GRID2: variants seen among roughly 807,000 people sequenced by gnomAD.
The protein encoded by GRID2 is glutamate ionotropic receptor delta type subunit 2.
A neutral mutation model predicts 114.8 loss-of-function variants in GRID2; 33 were observed. That is an observed-to-expected ratio of 0.29 (90% CI 0.22 to 0.38). The LOEUF (loss-of-function observed/expected upper bound fraction) is 0.38. Ranked by LOEUF, GRID2 falls within the 10% of genes least tolerant of loss-of-function variation. The probability of loss-of-function intolerance (pLI) is 1.00; values close to 1 mark genes in which losing one functional copy is unlikely to be tolerated. For missense variants in GRID2, 1,184 were observed against 1,257.7 expected (o/e 0.94, Z 0.89); for synonymous variants, 505 against 449.9 (o/e 1.12, Z -1.55).
intron 2 of GRID2, among the ~76,000 whole-genome samples, chr4:92,941,447 A>C (rs930442407): frequency 6.6e-6 from 1 of 151,544 alleles, no homozygotes; most frequent in Non-Finnish European, 1.5e-5. Flanking sequence ...TGTCTATTTG[A>C]TTCTTCTGTC....
chr4:92,314,987 G>T (rs1725892977), intron 1 of GRID2, among the ~76,000 whole-genome samples: 1 of 151,986 alleles, frequency 6.6e-6, no homozygotes, highest in Admixed American at 6.6e-5. Context: ...ACTTATTTGT[G>T]CTAAACAATG....
At chr4:93,180,469 G>T (rs996466432) in intron 4 of GRID2, among the ~76,000 whole-genome samples, 9 of 152,030 alleles carry the variant, frequency 5.9e-5, no homozygotes, top group Admixed American at 2.6e-4. Context: ...AAAGGTTGAG[G>T]TAATGGTGGT....
chr4:93,573,074 A>G (rs1386559791), intron 13 of GRID2, among the ~76,000 whole-genome samples: 1 of 152,192 alleles, frequency 6.6e-6, no homozygotes, highest in East Asian at 1.9e-4. Flanking sequence ...CTCGTGGAAT[A>G]CACAGGAGAG....
intron 4 of GRID2, among the ~76,000 whole-genome samples, chr4:93,175,352 G>C (rs1476077650): frequency 6.6e-6 from 1 of 151,988 alleles, no homozygotes; most frequent in Admixed American, 6.6e-5. Context: ...TGTATTTTTA[G>C]TACAGACGAG....
intron 1 of GRID2, among the ~76,000 whole-genome samples, chr4:92,405,986 G>T (rs1461175035): frequency 6.6e-6 from 1 of 152,116 alleles, no homozygotes; most frequent in Non-Finnish European, 1.5e-5. Context: ...TGAAGAACTT[G>T]GAGTCCAATG....
At chr4:92,666,650 G>GTTTTTTTTTT (rs70942922) in intron 2 of GRID2, among the ~76,000 whole-genome samples, 1,816 of 68,374 alleles carry the variant, frequency 0.027, 181 homozygotes, top group East Asian at 0.13. Flanking sequence ...CTTAAGGGTT[G>GTTTTTTTTTT]TTTTTTTTTT....
At chr4:92,813,348 T>G (rs1740740628) in intron 2 of GRID2, among the ~76,000 whole-genome samples, 1 of 152,218 alleles carries the variant, frequency 6.6e-6, no homozygotes, top group African/African-American at 2.4e-5. Context: ...AACCAACTTA[T>G]ATCCTCACAC....
intron 2 of GRID2, among the ~76,000 whole-genome samples, chr4:92,735,253 G>A (rs1339779640): frequency 6.6e-6 from 1 of 152,086 alleles, no homozygotes; most frequent in Non-Finnish European, 1.5e-5. Flanking sequence ...TCTAGTGGAT[G>A]CCTGAAGCTA....
intron 2 of GRID2, among the ~76,000 whole-genome samples, chr4:93,046,169 A>G (rs968490829): frequency 2.0e-5 from 3 of 152,080 alleles, no homozygotes; most frequent in Non-Finnish European, 2.9e-5. Flanking sequence ...ACATCTTCCT[A>G]TAACCATGAA....
chr4:93,117,111 T>C (rs1733343312), intron 4 of GRID2, among the ~76,000 whole-genome samples: 1 of 152,166 alleles, frequency 6.6e-6, no homozygotes, highest in Non-Finnish European at 1.5e-5. Flanking sequence ...GTTAAAAAAT[T>C]ATTTACCTCA....
At chr4:93,178,433 G>C (rs1739568182) in intron 4 of GRID2, among the ~76,000 whole-genome samples, 1 of 104,586 alleles carries the variant, frequency 9.6e-6, no homozygotes, top group Non-Finnish European at 1.7e-5. Context: ...ATCTTGCTCT[G>C]CTTCTCAGGC....
rs79505007 is a variant in GRID2 at position 92,670,914 on chromosome 4, C to A, written c.244+80628C>A. Among the ~76,000 whole-genome samples, 581 of 152,092 alleles carry A rather than the reference C, an allele frequency of 3.8e-3. 8 individuals are homozygous for A. The East Asian group carries it at 0.05, about 13-fold the overall frequency. The stretch of plus-strand genomic sequence containing the variant: ...ACTGTACTTTAAAACTCTCTGCCAG[C>A]AGTATTGAACAAAATAGGATATTAT... On this transcript the variant is annotated intron_variant, in intron 2 of 15. Transcript: ENST00000282020.
In GRID2 at chr4:92,304,456, A is replaced by G. The variant is rs1725272448; in HGVS notation, c.-201A>G. Reference sequence around the variant, plus strand: ...TCCAAGTGACACGGCTTTGCGAAGGAGGTTTCCTCAGGCTGGGCTCTTTCT... The same window carrying G: ...TCCAAGTGACACGGCTTTGCGAAGGGGGTTTCCTCAGGCTGGGCTCTTTCT... On this transcript the variant is annotated 5_prime_UTR_variant, in exon 1 of 16. Transcript: ENST00000282020. 1.7e-6 allele frequency: 1 copy of G among 602,682 alleles called. No individual in the cohort carries two copies. Among genetic ancestry groups the G allele is most frequent in the Non-Finnish European group, 2.9e-6 (1 of 341,494 alleles). The allele number at this position is 602,682 out of a possible 1,614,324, so 37.3% of individuals were successfully genotyped here. A position where few individuals can be genotyped will look rare whatever the true frequency, so the allele number is the denominator to read the frequency against.
intron 2 of GRID2, among the ~76,000 whole-genome samples, chr4:92,966,719 G>A (rs1424755478): frequency 6.6e-6 from 1 of 151,766 alleles, no homozygotes; most frequent in Non-Finnish European, 1.5e-5. Context: ...TGATTGTGAG[G>A]CCTCCCCAGA....
At chr4:92,734,261 AT>A (rs1171751811) in intron 2 of GRID2, among the ~76,000 whole-genome samples, 2 of 151,598 alleles carry the variant, frequency 1.3e-5, no homozygotes, top group Admixed American at 6.6e-5. Context: ...GCATCACTCT[AT>A]TTTTTTCTTT....
At chr4:93,298,595 C>T (rs181746948) in intron 8 of GRID2, among the ~76,000 whole-genome samples, 21 of 152,296 alleles carry the variant, frequency 1.4e-4, no homozygotes, top group African/African-American at 3.6e-4. Flanking sequence ...TAACACCCTC[C>T]ATGTCCAACT....
chr4:93,419,876 A>C (rs898353964), intron 9 of GRID2, among the ~76,000 whole-genome samples: 1 of 152,138 alleles, frequency 6.6e-6, no homozygotes, highest in African/African-American at 2.4e-5. Flanking sequence ...TATGAGTTAA[A>C]AATGAAAAAG....
intron 1 of GRID2, among the ~76,000 whole-genome samples, chr4:92,570,008 A>T (rs1727531695): frequency 6.6e-6 from 1 of 151,926 alleles, no homozygotes; most frequent in Non-Finnish European, 1.5e-5. Context: ...ATAACTTTTG[A>T]TGTTTTTTCA....
intron 8 of GRID2, among the ~76,000 whole-genome samples, chr4:93,349,966 T>C (rs1359571257): frequency 6.6e-6 from 1 of 152,082 alleles, no homozygotes; most frequent in Non-Finnish European, 1.5e-5. Flanking sequence ...GTGGAGTTGA[T>C]ATTCATAATC....
Sources: allele counts gnomAD v4.1 joint callset (sites outside exome capture counted in the v4.1 genomes callset), GRCh38; gene constraint gnomAD v4.1.1; transcripts MANE v1.5; gene names NCBI Gene and HGNC (gene_info 2026-07-23, HGNC 2026-07-21).